The following SPOCK1 variants were observed in gnomAD, a reference collection of about 807,000 sequenced individuals.
The protein encoded by SPOCK1 is SPARC (osteonectin), cwcv and kazal like domains proteoglycan 1.
SPOCK1 carries 23 observed loss-of-function variants against 55.3 expected under a neutral mutation model. That is an observed-to-expected ratio of 0.42 (90% CI 0.30 to 0.59). The LOEUF is 0.59. Among genes scored for constraint, SPOCK1 ranks in the 20% least tolerant of loss-of-function variants. SPOCK1 has a pLI of 0.22. For missense variants in SPOCK1, 499 were observed against 552.5 expected (o/e 0.90, Z 0.97); for synonymous variants, 226 against 221.0 (o/e 1.02, Z -0.20).
At chr5:137,141,669 G>A (rs1754101970) in intron 3 of SPOCK1, among the ~76,000 whole-genome samples, 1 of 152,228 alleles carries the variant, frequency 6.6e-6, no homozygotes, top group African/African-American at 2.4e-5. Context: ...GCATTAATAT[G>A]TGAATTGGAT....
chr5:137,009,526 A>C (rs1561578374), intron 6 of SPOCK1, among the ~76,000 whole-genome samples: 1 of 152,170 alleles, frequency 6.6e-6, no homozygotes, highest in Admixed American at 6.6e-5. Context: ...CTTCAAGCAT[A>C]CACAATATAA....
intron 3 of SPOCK1, among the ~76,000 whole-genome samples, chr5:137,193,381 A>T (rs1755226965): frequency 6.6e-6 from 1 of 152,126 alleles, no homozygotes; most frequent in Non-Finnish European, 1.5e-5. Flanking sequence ...ATGGAAGGGG[A>T]GAAGGAATTT....
chr5:137,187,200 G>A (rs75380938), intron 3 of SPOCK1, among the ~76,000 whole-genome samples: 17 of 152,168 alleles, frequency 1.1e-4, no homozygotes, highest in African/African-American at 2.4e-4. Context: ...TCATGCTGAC[G>A]ACTCCCAGAC....
At chr5:137,109,112 A>G (rs1017607353) in intron 5 of SPOCK1, among the ~76,000 whole-genome samples, 4 of 152,190 alleles carry the variant, frequency 2.6e-5, no homozygotes, top group Non-Finnish European at 5.9e-5. Context: ...GGTTTGATGT[A>G]CAATACGCCA....
Position 136,988,571 on chromosome 5 carries a change from T to C in SPOCK1, c.779A>G (p.Tyr260Cys), listed in dbSNP as rs777777299. 4.3e-6 allele frequency: 7 copies of C among 1,614,036 alleles called. No homozygotes were observed. The African/African-American group carries it at 6.7e-5, about 15-fold the overall frequency. ...CTCTGAAGGGTCAAGCAGGAGGTCA[T>C]AGTTCATGTCCAACTTGTTGAACAT... ...GWMFNKLDMNYDLLLDPSEIN... is the reference protein window; with the variant it reads ...GWMFNKLDMNCDLLLDPSEIN... The change falls in exon 8 of 11, where the codon TAT becomes TGT. Residue 260 changes from tyrosine (Y) to cysteine (C), a missense_variant. Around this residue, in one of 3 missense-constraint regions of SPOCK1, gnomAD observed 386 missense variants for 400.6 expected, o/e 0.96. Transcript: ENST00000394945.
intron 3 of SPOCK1, among the ~76,000 whole-genome samples, chr5:137,218,491 T>G (rs1029264092): frequency 1.3e-5 from 2 of 152,240 alleles, no homozygotes; most frequent in Admixed American, 6.5e-5. Flanking sequence ...TTTGTAAAGC[T>G]GAGAAATTAA....
intron 2 of SPOCK1, among the ~76,000 whole-genome samples, chr5:137,362,491 G>A (rs775443238): frequency 5.3e-5 from 8 of 151,842 alleles, no homozygotes; most frequent in South Asian, 2.1e-4. Flanking sequence ...CACCACGCCC[G>A]GCTAATTTCT....
intron 3 of SPOCK1, among the ~76,000 whole-genome samples, chr5:137,237,402 T>C (rs571640676): frequency 8.5e-5 from 13 of 152,242 alleles, no homozygotes; most frequent in Admixed American, 1.3e-4. Context: ...AGGCCATATA[T>C]GGAAAATGTA....
chr5:137,091,114 A>G (rs1753047586), intron 5 of SPOCK1, among the ~76,000 whole-genome samples: 1 of 152,160 alleles, frequency 6.6e-6, no homozygotes, highest in African/African-American at 2.4e-5. Context: ...AGAGGGTGCA[A>G]AGATGTGTGT....
intron 9 of SPOCK1, 37 bp downstream of exon 9, chr5:136,985,103 T>C: frequency 6.3e-7 from 1 of 1,593,228 alleles, no homozygotes; most frequent in Non-Finnish European, 8.6e-7. Flanking sequence ...GCTGGCTTAA[T>C]TAGTTGTTTA....
chr5:137,128,457 C>T (rs930347597), intron 4 of SPOCK1, among the ~76,000 whole-genome samples: 1 of 152,222 alleles, frequency 6.6e-6, no homozygotes, highest in South Asian at 2.1e-4. Flanking sequence ...GAACTAGAGG[C>T]TCAGATGAAA....
chr5:137,133,910 G>T (rs546605428), intron 4 of SPOCK1, among the ~76,000 whole-genome samples: 1 of 143,808 alleles, frequency 7.0e-6, no homozygotes, highest in African/African-American at 2.5e-5. Context: ...AAGGTCCCAG[G>T]CATCTGTACA....
chr5:137,329,646 G>A (rs1027602690), intron 2 of SPOCK1, among the ~76,000 whole-genome samples: 4 of 152,300 alleles, frequency 2.6e-5, no homozygotes, highest in South Asian at 2.1e-4. Context: ...GATGTAGTGG[G>A]GAGGGAGAAG....
chr5:137,350,678 C>T (rs1750657768), intron 2 of SPOCK1, among the ~76,000 whole-genome samples: 1 of 152,076 alleles, frequency 6.6e-6, no homozygotes, highest in African/African-American at 2.4e-5. Context: ...TTCATGATTC[C>T]TCATCCTCTT....
intron 2 of SPOCK1, among the ~76,000 whole-genome samples, chr5:137,305,726 C>A (rs1416868696): frequency 6.6e-6 from 1 of 152,198 alleles, no homozygotes; most frequent in African/African-American, 2.4e-5. Context: ...AGCTCAACTC[C>A]AGTTCCTCCG....
intron 2 of SPOCK1, among the ~76,000 whole-genome samples, chr5:137,320,578 T>A (rs1757962534): frequency 6.6e-6 from 1 of 152,120 alleles, no homozygotes; most frequent in Non-Finnish European, 1.5e-5. Flanking sequence ...AAGAGCTCAA[T>A]GCCAGAAAAA....
At chr5:137,109,825 T>C (rs1023573187) in intron 5 of SPOCK1, among the ~76,000 whole-genome samples, 5 of 152,198 alleles carry the variant, frequency 3.3e-5, no homozygotes, top group African/African-American at 4.8e-5. Flanking sequence ...CACCATTCCC[T>C]ATAAAACAAG....
intron 2 of SPOCK1, among the ~76,000 whole-genome samples, chr5:137,468,084 C>A (rs1283924773): frequency 2.6e-5 from 4 of 152,188 alleles, no homozygotes; most frequent in South Asian, 2.1e-4. Flanking sequence ...GACACACTGT[C>A]CCTAATCAAA....
intron 2 of SPOCK1, among the ~76,000 whole-genome samples, chr5:137,393,570 C>G (rs190019000): frequency 6.6e-6 from 1 of 152,282 alleles, no homozygotes; most frequent in East Asian, 1.9e-4. Context: ...CAAATGACAT[C>G]AAGAAAAGTT....
Sources: gnomAD v4.1 joint callset for allele counts (sites outside exome capture counted in the v4.1 genomes callset) on GRCh38, gnomAD v4.1.1 for gene constraint, gnomAD v4.1.1 regional missense constraint, MANE v1.5 for transcripts, NCBI Gene and HGNC (gene_info 2026-07-23, HGNC 2026-07-21) for gene names.